Variants in NPAT observed in about 807,000 individuals in gnomAD.
NPAT encodes nuclear protein, coactivator of histone transcription.
A neutral mutation model predicts 130.7 loss-of-function variants in NPAT; 52 were observed. The observed-to-expected ratio is 0.40, with a 90% CI of 0.32 to 0.50. NPAT has a LOEUF of 0.50. Ranked by LOEUF, NPAT falls within the 20% of genes least tolerant of loss-of-function variation. The pLI is 0.68. For synonymous variants in NPAT, 580 were observed against 584.8 expected, an observed-to-expected ratio of 0.99 and a Z score of 0.12; for missense variants, 1,687 against 1,662.6, an observed-to-expected ratio of 1.01 and a Z score of -0.26.
Position 108,222,618 on chromosome 11 carries a change from C to T in NPAT, c.-82G>A. On this transcript the variant is annotated 5_prime_UTR_variant, in exon 1 of 18. Transcript: ENST00000278612. ...CAGCGACAGCTCCTGCGCCGCATCT[C>T]CTGGTTCCAGTGGCGGCACTGAACT... 4.0e-6 allele frequency: 6 copies of T among 1,501,484 alleles called. No individual in the cohort carries two copies. Among genetic ancestry groups the T allele is most frequent in the Non-Finnish European group, 4.6e-6 (5 of 1,086,564 alleles). The allele number at this position is 1,501,484 out of a possible 1,614,324, so 93.0% of individuals were successfully genotyped here.
intron 7 of NPAT, among the ~76,000 whole-genome samples, chr11:108,187,686 G>GAAACACACTTTTCTCAAAAGTGTTTTGA (rs547938994): frequency 7.2e-5 from 11 of 152,146 alleles, no homozygotes; most frequent in South Asian, 2.1e-4. Flanking sequence ...AAGTGTTTTG[G>GAAACACACTTTTCTCAAAAGTGTTTTGA]GAAAAACACT....
chr11:108,198,512 C>CA (rs59478102), intron 1 of NPAT, among the ~76,000 whole-genome samples: 5 of 151,708 alleles, frequency 3.3e-5, no homozygotes, highest in Admixed American at 3.3e-4. Context: ...CCCAAGCAGA[C>CA]GGGTAGGGTA....
In NPAT at chr11:108,162,312, T is replaced by C. The variant is rs570649041; in HGVS notation, c.3011-132A>G. On this transcript the variant is annotated intron_variant, in intron 15 of 17. Transcript: ENST00000278612. The stretch of plus-strand genomic sequence containing the variant: ...CTAATGTACACACAAATAGAACACG[T>C]TGACAAAGCAGCTTTTAAAAAGCAG... 7.5e-4 allele frequency: 550 copies of C among 737,114 alleles called. 2 individuals are homozygous for C. The African/African-American group carries it at 8.3e-3, about 11-fold the overall frequency. The allele number at this position is 737,114 out of a possible 1,614,324, so 45.7% of individuals were successfully genotyped here.
At chr11:108,211,166 A>T (rs948505344) in intron 1 of NPAT, among the ~76,000 whole-genome samples, 14 of 151,882 alleles carry the variant, frequency 9.2e-5, no homozygotes, top group Admixed American at 7.9e-4. Context: ...CAGTGAGCCG[A>T]GATCGCGCCA....
intron 12 of NPAT, among the ~76,000 whole-genome samples, chr11:108,174,672 G>A (rs747356877): frequency 6.7e-6 from 1 of 149,312 alleles, no homozygotes; most frequent in South Asian, 2.1e-4. Flanking sequence ...GGAGTGCAGC[G>A]GTGCGATTCT....
intron 1 of NPAT, among the ~76,000 whole-genome samples, chr11:108,221,489 A>G (rs1284901016): frequency 6.6e-6 from 1 of 152,240 alleles, no homozygotes; most frequent in South Asian, 2.1e-4. Flanking sequence ...ATTTCCGTTT[A>G]ACGTTTCCTG....
At chr11:108,189,448 T>C (rs2078141848) in intron 5 of NPAT, 118 bp from the exon 6 acceptor site, 1 of 836,310 alleles carries the variant, frequency 1.2e-6, no homozygotes, top group Non-Finnish European at 2.1e-6. Context: ...GATTGAAGAA[T>C]GATTCCTAAA....
At chr11:108,213,000 C>A (rs2134898698) in intron 1 of NPAT, among the ~76,000 whole-genome samples, 1 of 139,408 alleles carries the variant, frequency 7.2e-6, no homozygotes, top group East Asian at 2.2e-4. Flanking sequence ...CTGGGCGGGG[C>A]ATGGTGGCTC....
chr11:108,199,385 C>G (rs1323152350), intron 1 of NPAT, among the ~76,000 whole-genome samples: 1 of 152,182 alleles, frequency 6.6e-6, no homozygotes, highest in Non-Finnish European at 1.5e-5. Context: ...AGAGAGGGCC[C>G]AGCAATGAGC....
At chr11:108,159,988 T>G (rs1018654779) in intron 17 of NPAT, among the ~76,000 whole-genome samples, 3 of 151,900 alleles carry the variant, frequency 2.0e-5, no homozygotes, top group East Asian at 1.9e-4. Flanking sequence ...CCATCTCTAC[T>G]AAACATACAA....
At chr11:108,191,363 A>G (rs1172136761) in intron 4 of NPAT, among the ~76,000 whole-genome samples, 2 of 152,240 alleles carry the variant, frequency 1.3e-5, no homozygotes, top group African/African-American at 4.8e-5. Context: ...TTCTTTTAGT[A>G]TGAATTAGAG....
At chr11:108,193,337 G>A (rs1308249912) in intron 3 of NPAT, among the ~76,000 whole-genome samples, 1 of 151,844 alleles carries the variant, frequency 6.6e-6, no homozygotes, top group Non-Finnish European at 1.5e-5. Flanking sequence ...ATAACACAGA[G>A]GTAAGAGTTT....
At chr11:108,209,533 C>A (rs1291047793) in intron 1 of NPAT, among the ~76,000 whole-genome samples, 2 of 152,124 alleles carry the variant, frequency 1.3e-5, no homozygotes, top group African/African-American at 2.4e-5. Flanking sequence ...GCATGGGCAA[C>A]AGACTGAGAT....
chr11:108,164,983 T>C (rs902052914), intron 15 of NPAT, among the ~76,000 whole-genome samples: 2 of 152,066 alleles, frequency 1.3e-5, no homozygotes, highest in African/African-American at 2.4e-5. Flanking sequence ...CATTCCAGCC[T>C]GGGCGACAAG....
At chr11:108,190,125 C>G (rs1165988193) in intron 5 of NPAT, among the ~76,000 whole-genome samples, 2 of 151,288 alleles carry the variant, frequency 1.3e-5, no homozygotes, top group Non-Finnish European at 2.9e-5. Context: ...TTCTGGCTAA[C>G]ATGGCAAAAC....
At chr11:108,199,504 T>C (rs1034903346) in intron 1 of NPAT, among the ~76,000 whole-genome samples, 2 of 152,220 alleles carry the variant, frequency 1.3e-5, no homozygotes, top group African/African-American at 4.8e-5. Context: ...GTCTGGGATC[T>C]GTGCAAGGGT....
At chr11:108,197,539 C>CTAG (rs2078235052) in intron 1 of NPAT, 119 bp from the exon 2 acceptor site, 1 of 755,712 alleles carries the variant, frequency 1.3e-6, no homozygotes, top group African/African-American at 1.7e-5. Context: ...GTGGAATGCT[C>CTAG]TAGTGTTTGG....
intron 1 of NPAT, among the ~76,000 whole-genome samples, chr11:108,203,834 T>C (rs2078297802): frequency 6.6e-6 from 1 of 152,274 alleles, no homozygotes; most frequent in Non-Finnish European, 1.5e-5. Flanking sequence ...TAGTCTATTT[T>C]GCTCCTTATT....
intron 15 of NPAT, among the ~76,000 whole-genome samples, chr11:108,165,992 T>C (rs893445553): frequency 5.1e-5 from 3 of 58,566 alleles, no homozygotes; most frequent in Non-Finnish European, 9.2e-5. Context: ...TTATGTTGCA[T>C]AGGCTGATCT....
Sources: allele counts gnomAD v4.1 joint callset (sites outside exome capture counted in the v4.1 genomes callset), GRCh38; gene constraint gnomAD v4.1.1; transcripts MANE v1.5; gene names NCBI Gene and HGNC (gene_info 2026-07-23, HGNC 2026-07-21).